KLHL1: variants seen among roughly 807,000 people sequenced by gnomAD.
KLHL1 encodes kelch-like protein 1.
A neutral mutation model predicts 77.7 loss-of-function variants in KLHL1; 47 were observed. The observed-to-expected ratio is 0.60, with a 90% CI of 0.48 to 0.77. The LOEUF (loss-of-function observed/expected upper bound fraction) is 0.77, where lower values mean the gene tolerates loss of function less well. Among genes scored for constraint, KLHL1 ranks in the 30% least tolerant of loss-of-function variants. KLHL1 has a pLI of 0.00. For synonymous variants in KLHL1, 360 were observed against 325.2 expected (o/e 1.11, Z -1.15); for missense variants, 925 against 910.8 (o/e 1.02, Z -0.20).
At chr13:69,967,877 T>G (rs1771920994) in intron 2 of KLHL1, among the ~76,000 whole-genome samples, 2 of 131,158 alleles carry the variant, frequency 1.5e-5, no homozygotes, top group East Asian at 2.2e-4. Context: ...CAAAGCAAGA[T>G]GCTGAATCAA....
At position 70,035,891 on chromosome 13, in the gene KLHL1, A is replaced by T. The variant is rs544417053; in HGVS notation, c.498-60089T>A. The stretch of plus-strand genomic sequence containing the variant: ...AATTCTCATCTATAGATGTAGAAAT[A>T]AAAAAAAGTGTCAAAAAGCACAATT... On this transcript the variant is annotated intron_variant, in intron 1 of 10. Transcript: ENST00000377844. 4.0e-5 allele frequency among the ~76,000 whole-genome samples: 6 copies of T among 151,850 alleles called. No homozygotes were observed. In the East Asian group the frequency reaches 9.7e-4, roughly 25 times the overall value.
chr13:69,741,317 G>A (rs1326110770), intron 7 of KLHL1, among the ~76,000 whole-genome samples: 1 of 151,972 alleles, frequency 6.6e-6, no homozygotes, highest in Non-Finnish European at 1.5e-5. Flanking sequence ...ATTGATTGAT[G>A]TGCTCTTTAG....
intron 1 of KLHL1, among the ~76,000 whole-genome samples, chr13:70,085,625 A>G (rs1268455051): frequency 6.6e-6 from 1 of 152,166 alleles, no homozygotes; most frequent in Non-Finnish European, 1.5e-5. Flanking sequence ...GCACTTTGGG[A>G]GGCCGAGGCT....
chr13:69,932,488 A>G (rs1192889129), intron 4 of KLHL1, among the ~76,000 whole-genome samples: 3 of 151,942 alleles, frequency 2.0e-5, no homozygotes, highest in African/African-American at 7.2e-5. Flanking sequence ...TACATCTTAA[A>G]TGATTGAAAT....
chr13:69,874,914 A>C (rs1880711151), intron 5 of KLHL1, among the ~76,000 whole-genome samples: 1 of 152,130 alleles, frequency 6.6e-6, no homozygotes, highest in Non-Finnish European at 1.5e-5. Context: ...TCAAGTAGTT[A>C]ATTGGGCCCT....
At chr13:69,800,871 G>C (rs1037772926) in intron 6 of KLHL1, among the ~76,000 whole-genome samples, 2 of 152,102 alleles carry the variant, frequency 1.3e-5, no homozygotes, top group Non-Finnish European at 2.9e-5. Flanking sequence ...ATTACAAACA[G>C]AATACAAGTT....
At chr13:69,979,714 A>G (rs995556116) in intron 1 of KLHL1, among the ~76,000 whole-genome samples, 2 of 152,208 alleles carry the variant, frequency 1.3e-5, no homozygotes, top group African/African-American at 4.8e-5. Flanking sequence ...TGGCCCAACA[A>G]TACAAAGCTT....
intron 1 of KLHL1, among the ~76,000 whole-genome samples, chr13:70,043,987 T>C (rs1246609796): frequency 4.6e-5 from 7 of 152,234 alleles, no homozygotes; most frequent in African/African-American, 7.2e-5. Flanking sequence ...TCACAACATT[T>C]TTGTTCCATA....
At chr13:70,036,158 T>G (rs774390518) in intron 1 of KLHL1, among the ~76,000 whole-genome samples, 1 of 151,982 alleles carries the variant, frequency 6.6e-6, no homozygotes, top group Non-Finnish European at 1.5e-5. Flanking sequence ...CTGAATTGAC[T>G]GTCAATAATG....
chr13:69,722,237 T>C (rs1873097441), intron 8 of KLHL1, among the ~76,000 whole-genome samples: 1 of 152,018 alleles, frequency 6.6e-6, no homozygotes, highest in Non-Finnish European at 1.5e-5. Context: ...AATTATACTA[T>C]TGAGTTATTT....
At chr13:70,012,530 AG>A (rs1248268835) in intron 1 of KLHL1, among the ~76,000 whole-genome samples, 14 of 151,694 alleles carry the variant, frequency 9.2e-5, no homozygotes, top group African/African-American at 3.4e-4. Flanking sequence ...GAAGAGGGGG[AG>A]GGGGACTTGA....
chr13:69,948,449 A>T (rs1440817250), intron 3 of KLHL1, among the ~76,000 whole-genome samples: 1 of 151,994 alleles, frequency 6.6e-6, no homozygotes, highest in African/African-American at 2.4e-5. Flanking sequence ...TGATCCTATA[A>T]ACTGCTTATA....
intron 9 of KLHL1, among the ~76,000 whole-genome samples, chr13:69,717,311 C>A (rs1872814487): frequency 6.6e-6 from 1 of 152,012 alleles, no homozygotes; most frequent in Admixed American, 6.6e-5. Flanking sequence ...TCCACAGAGG[C>A]ACAGTTGCAT....
chr13:69,799,871 C>G (rs759197620), intron 6 of KLHL1, among the ~76,000 whole-genome samples: 2 of 152,082 alleles, frequency 1.3e-5, no homozygotes, highest in Non-Finnish European at 2.9e-5. Flanking sequence ...AGCGGCACCC[C>G]GAGCTCCACC....
chr13:69,880,108 T>A (rs1167233317), intron 5 of KLHL1, among the ~76,000 whole-genome samples: 1 of 152,168 alleles, frequency 6.6e-6, no homozygotes, highest in Non-Finnish European at 1.5e-5. Context: ...TGTATATTCA[T>A]ATCTGGCCAA....
At chr13:69,775,852 T>A (rs1239805871) in intron 7 of KLHL1, among the ~76,000 whole-genome samples, 1 of 151,844 alleles carries the variant, frequency 6.6e-6, no homozygotes, top group African/African-American at 2.4e-5. Flanking sequence ...AACTGCATTT[T>A]AAAAAAATTA....
intron 7 of KLHL1, among the ~76,000 whole-genome samples, chr13:69,760,995 G>A (rs1874995334): frequency 6.6e-6 from 1 of 152,106 alleles, no homozygotes; most frequent in Admixed American, 6.6e-5. Context: ...AGAGAGCAAT[G>A]AACAAAATGG....
intron 1 of KLHL1, among the ~76,000 whole-genome samples, chr13:69,993,595 T>C (rs1287868100): frequency 6.6e-6 from 1 of 152,130 alleles, no homozygotes; most frequent in East Asian, 1.9e-4. Context: ...TCCAACACAG[T>C]CACTCCATGT....
At chr13:69,856,018 T>C (rs1249487551) in intron 5 of KLHL1, among the ~76,000 whole-genome samples, 2 of 149,908 alleles carry the variant, frequency 1.3e-5, no homozygotes, top group African/African-American at 4.9e-5. Flanking sequence ...TATTACTTTC[T>C]GTTGGCAGAG....
Sources: gnomAD v4.1 joint callset for allele counts (sites outside exome capture counted in the v4.1 genomes callset) on GRCh38, gnomAD v4.1.1 for gene constraint, MANE v1.5 for transcripts, NCBI Gene and HGNC (gene_info 2026-07-23, HGNC 2026-07-21) for gene names.